PELI2: variants seen among roughly 807,000 people sequenced by gnomAD.
PELI2 encodes the protein E3 ubiquitin-protein ligase pellino homolog 2.
PELI2 carries 23 observed loss-of-function variants against 42.3 expected under a neutral mutation model. The ratio of observed to expected loss-of-function variants is 0.54; its 90% CI spans 0.39 to 0.77. The LOEUF is 0.77. Among genes scored for constraint, PELI2 ranks in the 30% least tolerant of loss-of-function variants. The pLI is 0.00. For missense variants in PELI2, 463 were observed against 553.2 expected (o/e 0.84, Z 1.64); for synonymous variants, 245 against 212.2 (o/e 1.15, Z -1.34).
Position 56,181,893 on chromosome 14 carries a change from T to C in PELI2, c.207+3429T>C, listed in dbSNP as rs553422606. Among the ~76,000 whole-genome samples the C allele has an allele frequency of 2.6e-5, 4 of 152,252 alleles. 1 individual carries two copies. The South Asian group carries it at 8.3e-4, about 32-fold the overall frequency. Reference sequence around the variant, plus strand: ...GTGTGTTTTTAAATTAAAAGTCCTGTTTTACTTCTGGCCATTCTGTTGCAT... The same window carrying C: ...GTGTGTTTTTAAATTAAAAGTCCTGCTTTACTTCTGGCCATTCTGTTGCAT... On this transcript the variant is annotated intron_variant, in intron 2 of 5. Transcript: ENST00000267460.
intron 2 of PELI2, among the ~76,000 whole-genome samples, chr14:56,260,431 A>G (rs947501834): frequency 6.6e-6 from 1 of 152,214 alleles, no homozygotes; most frequent in East Asian, 1.9e-4. Flanking sequence ...AAAGACAGCT[A>G]TAGTGACAGA....
chr14:56,236,205 C>T (rs1887788207), intron 2 of PELI2, among the ~76,000 whole-genome samples: 1 of 152,068 alleles, frequency 6.6e-6, no homozygotes, highest in Non-Finnish European at 1.5e-5. Flanking sequence ...AGTAAACATA[C>T]TTGGAGTTGA....
At chr14:56,284,486 T>C (rs1242868766) in intron 3 of PELI2, among the ~76,000 whole-genome samples, 1 of 152,220 alleles carries the variant, frequency 6.6e-6, no homozygotes, top group African/African-American at 2.4e-5. Context: ...TTTCACAGTT[T>C]CACAGGCTTC....
chr14:56,204,526 G>A (rs367921539), intron 2 of PELI2, among the ~76,000 whole-genome samples: 117 of 152,190 alleles, frequency 7.7e-4, no homozygotes, highest in African/African-American at 2.6e-3. Context: ...TGCGGTTTGC[G>A]GTATGATGAA....
intron 1 of PELI2, among the ~76,000 whole-genome samples, chr14:56,150,410 A>G (rs1884302946): frequency 6.6e-6 from 1 of 152,150 alleles, no homozygotes; most frequent in South Asian, 2.1e-4. Context: ...TATTAGCCAT[A>G]TGTTTGGTTT....
At chr14:56,258,805 A>G (rs1227257214) in intron 2 of PELI2, among the ~76,000 whole-genome samples, 27 of 152,148 alleles carry the variant, frequency 1.8e-4, no homozygotes, top group Admixed American at 1.8e-3. Flanking sequence ...AGCAATTTTA[A>G]AAGGCCAAAA....
chr14:56,238,836 T>C (rs1016882988), intron 2 of PELI2, among the ~76,000 whole-genome samples: 4 of 152,178 alleles, frequency 2.6e-5, no homozygotes, highest in Non-Finnish European at 4.4e-5. Context: ...GTTAAAGTTA[T>C]CTTAAGGTTC....
chr14:56,211,058 C>T (rs145960857), intron 2 of PELI2, among the ~76,000 whole-genome samples: 96 of 152,278 alleles, frequency 6.3e-4, no homozygotes, highest in African/African-American at 2.0e-3. Context: ...ATTTCTAAGC[C>T]ATCCCAAAGC....
chr14:56,191,229 G>A (rs970490226), intron 2 of PELI2, among the ~76,000 whole-genome samples: 1 of 152,200 alleles, frequency 6.6e-6, no homozygotes, highest in African/African-American at 2.4e-5. Context: ...GAATGAATGA[G>A]CAACACCCAG....
chr14:56,246,604 T>C (rs1888170457), intron 2 of PELI2, among the ~76,000 whole-genome samples: 1 of 152,184 alleles, frequency 6.6e-6, no homozygotes, highest in South Asian at 2.1e-4. Context: ...TTAAAAGCAG[T>C]GTTTACGGAC....
intron 2 of PELI2, among the ~76,000 whole-genome samples, chr14:56,188,756 A>T (rs1885857715): frequency 6.6e-6 from 1 of 152,240 alleles, no homozygotes; most frequent in Non-Finnish European, 1.5e-5. Flanking sequence ...GAACTGAGTG[A>T]AAGTGTGGGC....
chr14:56,285,004 G>A (rs1341434290), intron 3 of PELI2, among the ~76,000 whole-genome samples: 2 of 152,364 alleles, frequency 1.3e-5, no homozygotes, highest in East Asian at 1.9e-4. Flanking sequence ...TTCAGGCCAG[G>A]TTGAGTCTGA....
At chr14:56,224,694 T>C (rs751659810) in intron 2 of PELI2, among the ~76,000 whole-genome samples, 1 of 152,248 alleles carries the variant, frequency 6.6e-6, no homozygotes, top group African/African-American at 2.4e-5. Context: ...TGTGTAATAG[T>C]TTGATTTCTG....
At chr14:56,199,460 C>G (rs1028281991) in intron 2 of PELI2, among the ~76,000 whole-genome samples, 1 of 152,108 alleles carries the variant, frequency 6.6e-6, no homozygotes, top group African/African-American at 2.4e-5. Context: ...GTAGATTCCC[C>G]AATGCAATGA....
intron 1 of PELI2, among the ~76,000 whole-genome samples, chr14:56,142,096 A>G (rs1309103944): frequency 3.3e-5 from 5 of 152,214 alleles, no homozygotes; most frequent in Non-Finnish European, 7.3e-5. Flanking sequence ...CTGTGGGCTC[A>G]TAACTTCAGA....
At chr14:56,249,626 T>C (rs1335463440) in intron 2 of PELI2, among the ~76,000 whole-genome samples, 1 of 152,156 alleles carries the variant, frequency 6.6e-6, no homozygotes, top group Non-Finnish European at 1.5e-5. Context: ...GTGTGTCTCA[T>C]GAACAAGGAA....
At chr14:56,175,659 A>G (rs1221806559) in intron 1 of PELI2, among the ~76,000 whole-genome samples, 3 of 152,218 alleles carry the variant, frequency 2.0e-5, no homozygotes, top group African/African-American at 7.2e-5. Flanking sequence ...TATTTGCTTA[A>G]CCTGCAATAT....
intron 2 of PELI2, among the ~76,000 whole-genome samples, chr14:56,217,591 T>G (rs374064528): frequency 2.0e-5 from 3 of 152,198 alleles, no homozygotes; most frequent in Admixed American, 6.5e-5. Context: ...AACTGTGTAG[T>G]TTTTGAGGTT....
At position 56,288,995 on chromosome 14, in the gene PELI2, C is replaced by G. The variant is rs1294694181; in HGVS notation, c.507+361C>G. 6.6e-6 allele frequency among the ~76,000 whole-genome samples: 1 copy of G among 152,132 alleles called. No homozygotes were observed. The highest frequency in any genetic ancestry group is 1.5e-5 in the Non-Finnish European group (1 of 68,036). On this transcript the variant is annotated intron_variant, in intron 4 of 5. Transcript: ENST00000267460. The surrounding 1 kb of genome is among the most constrained non-coding windows in gnomAD (Gnocchi z 4.6). ...TAGAGGAAAATGTTAGTGATTCACT[C>G]ATTCAAAAATGTTTTATGAGTGTTT...
Sources: gnomAD v4.1 joint callset for allele counts (sites outside exome capture counted in the v4.1 genomes callset) on GRCh38, gnomAD v4.1.1 for gene constraint, Gnocchi (gnomAD v3.1) non-coding constraint, MANE v1.5 for transcripts, NCBI Gene and HGNC (gene_info 2026-07-23, HGNC 2026-07-21) for gene names.